Variants in PIGK observed in about 807,000 individuals in gnomAD.
PIGK encodes the protein phosphatidylinositol glycan anchor biosynthesis class K.
In PIGK, 42 loss-of-function variants were observed where a neutral mutation model predicts 50.6. The observed-to-expected ratio is 0.83, with a 90% CI of 0.65 to 1.07. The LOEUF (loss-of-function observed/expected upper bound fraction) is 1.07. Ranked by LOEUF, PIGK falls within the 50% of genes least tolerant of loss-of-function variation. PIGK has a pLI of 0.00. For missense variants in PIGK, 448 were observed against 488.7 expected (o/e 0.92, Z 0.78); for synonymous variants, 151 against 156.0 (o/e 0.97, Z 0.24).
intron 3 of PIGK, among the ~76,000 whole-genome samples, chr1:77,196,830 A>C (rs1656049697): frequency 6.6e-6 from 1 of 152,084 alleles, no homozygotes; most frequent in Non-Finnish European, 1.5e-5. Context: ...AATTAGGTAC[A>C]ACCTGTCAAC....
At chr1:77,118,647 T>C in intron 10 of PIGK, among the ~76,000 whole-genome samples, 1 of 152,242 alleles carries the variant, frequency 6.6e-6, no homozygotes, top group Non-Finnish European at 1.5e-5. Context: ...TGGAATGTAC[T>C]TTTCCATGTA....
chr1:77,091,162 CA>C lies in PIGK; in HGVS notation c.*1211del, dbSNP rs1653289220. 2 of 152,150 alleles carry C rather than the reference CA, an allele frequency of 1.3e-5. No individual in the cohort carries two copies. Among genetic ancestry groups the C allele is most frequent in the African/African-American group, 4.8e-5 (2 of 41,440 alleles). 9.4% of individuals were successfully genotyped at this position (152,150 alleles called of 1,614,324 possible). ...GATAAGACACCTGAAGGTATCCCCC[CA>C]GACATAAATACTTAACTTTTAGGCT... On this transcript the variant is annotated 3_prime_UTR_variant, in exon 11 of 11. Transcript: ENST00000370812.
At chr1:77,124,438 G>GT (rs1654179893) in intron 9 of PIGK, among the ~76,000 whole-genome samples, 1 of 151,846 alleles carries the variant, frequency 6.6e-6, no homozygotes, top group Non-Finnish European at 1.5e-5. Flanking sequence ...GTGAAACCTC[G>GT]TCTCTACTAA....
At chr1:77,194,824 G>A in intron 3 of PIGK, 1 of 369,010 alleles carries the variant, frequency 2.7e-6, no homozygotes, top group Non-Finnish European at 5.2e-6. Context: ...AAGACTCAGT[G>A]ACCAGGTCAT....
At position 77,206,734 on chromosome 1, in the gene PIGK, G is replaced by A. The variant is rs1190986685; in HGVS notation, c.148-3C>T. 1 of 1,586,194 alleles carries A rather than the reference G, an allele frequency of 6.3e-7. No homozygotes were observed. Among genetic ancestry groups the A allele is most frequent in the East Asian group, 2.2e-5 (1 of 44,696 alleles). ...AACCAGAATCGGGATGTACACACCT[G>A]AAGTATTAAAACAAAAACAGAATTT... On this transcript the variant is annotated splice_polypyrimidine_tract_variant and splice_region_variant and intron_variant, in intron 2 of 10. Coordinates refer to ENST00000370812, the MANE Select transcript of PIGK (RefSeq NM_005482.3).
intron 3 of PIGK, among the ~76,000 whole-genome samples, chr1:77,203,052 C>A (rs1656205796): frequency 6.6e-6 from 1 of 152,144 alleles, no homozygotes; most frequent in Non-Finnish European, 1.5e-5. Context: ...TATATTTTTT[C>A]ATAAACATGG....
At chr1:77,128,578 A>C (rs1167991009) in intron 9 of PIGK, among the ~76,000 whole-genome samples, 3 of 152,214 alleles carry the variant, frequency 2.0e-5, no homozygotes, top group African/African-American at 7.2e-5. Context: ...CTGAATGCAC[A>C]AGGAACTATC....
chr1:77,185,330 A>G (rs1209383455), intron 3 of PIGK, among the ~76,000 whole-genome samples: 2 of 152,160 alleles, frequency 1.3e-5, no homozygotes, highest in East Asian at 3.9e-4. Context: ...TACATTGATG[A>G]CATTATGCTG....
At chr1:77,104,090 C>G (rs1431917625) in intron 10 of PIGK, among the ~76,000 whole-genome samples, 4 of 149,194 alleles carry the variant, frequency 2.7e-5, no homozygotes, top group African/African-American at 9.8e-5. Flanking sequence ...TTAAAGTGAT[C>G]AAACTTACCC....
chr1:77,133,829 T>A (rs1009219578), intron 9 of PIGK, among the ~76,000 whole-genome samples: 1 of 152,170 alleles, frequency 6.6e-6, no homozygotes, highest in African/African-American at 2.4e-5. Flanking sequence ...TATAGAGATT[T>A]CTAATATAAT....
At chr1:77,117,720 T>C (rs1254254462) in intron 10 of PIGK, among the ~76,000 whole-genome samples, 1 of 152,212 alleles carries the variant, frequency 6.6e-6, no homozygotes, top group Non-Finnish European at 1.5e-5. Context: ...TTCCAAATTG[T>C]GTTACCACTC....
intron 5 of PIGK, among the ~76,000 whole-genome samples, chr1:77,165,603 T>TAAA (rs10712374): frequency 1.6e-5 from 2 of 128,722 alleles, no homozygotes; most frequent in African/African-American, 5.4e-5. Context: ...CAACTGGTGA[T>TAAA]AAAAAAAAAA....
chr1:77,149,093 T>C (rs12123535), intron 9 of PIGK, among the ~76,000 whole-genome samples: 35,435 of 151,942 alleles, frequency 0.23, 5,103 homozygotes, highest in Non-Finnish European at 0.32. Flanking sequence ...AAACCTATAA[T>C]AGATACACTA....
chr1:77,189,279 T>A (rs970447556), intron 3 of PIGK, among the ~76,000 whole-genome samples: 2 of 152,192 alleles, frequency 1.3e-5, no homozygotes, highest in African/African-American at 4.8e-5. Context: ...TTACATATAA[T>A]CTCAGATGTG....
intron 10 of PIGK, among the ~76,000 whole-genome samples, chr1:77,110,278 C>T (rs1413450310): frequency 6.6e-6 from 1 of 152,074 alleles, no homozygotes; most frequent in Non-Finnish European, 1.5e-5. Flanking sequence ...TCATATGGAA[C>T]CAAAAAAGAG....
At chr1:77,206,771 G>T (rs984170394) in intron 2 of PIGK, 40 bp from the exon 3 acceptor site, 1 of 1,133,706 alleles carries the variant, frequency 8.8e-7, no homozygotes. Flanking sequence ...TATGCATCAA[G>T]GCTAACCATG....
intron 9 of PIGK, among the ~76,000 whole-genome samples, chr1:77,136,562 A>G (rs963938986): frequency 5.9e-4 from 83 of 141,600 alleles, no homozygotes; most frequent in African/African-American, 2.1e-3. Flanking sequence ...AAAAAAAAAG[A>G]TGTTTGCTGT....
intron 3 of PIGK, among the ~76,000 whole-genome samples, chr1:77,180,455 A>G (rs1655585493): frequency 1.3e-5 from 2 of 152,192 alleles, no homozygotes; most frequent in African/African-American, 4.8e-5. Flanking sequence ...TACTTTAAGT[A>G]TATACAATAA....
intron 3 of PIGK, among the ~76,000 whole-genome samples, chr1:77,172,789 T>C (rs1219006065): frequency 2.0e-5 from 3 of 151,966 alleles, no homozygotes; most frequent in Non-Finnish European, 4.4e-5. Flanking sequence ...CCGGGCGTGA[T>C]GGCAGGTGCC....
Sources: allele counts gnomAD v4.1 joint callset (sites outside exome capture counted in the v4.1 genomes callset), GRCh38; gene constraint gnomAD v4.1.1; transcripts MANE v1.5; gene names NCBI Gene and HGNC (gene_info 2026-07-23, HGNC 2026-07-21).